The following NTRK2 variants were observed in gnomAD, a reference collection of about 807,000 sequenced individuals.
The protein encoded by NTRK2 is neurotrophic receptor tyrosine kinase 2.
A neutral mutation model predicts 94.5 loss-of-function variants in NTRK2; 13 were observed. The observed-to-expected ratio is 0.14, with a 90% confidence interval of 0.09 to 0.22. The LOEUF is 0.22. NTRK2 is among the 10% of genes least tolerant of loss of function. The probability of loss-of-function intolerance (pLI) is 1.00; values close to 1 mark genes in which losing one functional copy is unlikely to be tolerated. For missense variants in NTRK2, 639 were observed against 1,071.2 expected, an observed-to-expected ratio of 0.60 and a Z score of 5.63; for synonymous variants, 372 against 407.4, an observed-to-expected ratio of 0.91 and a Z score of 1.05.
chr9:84,744,367 T>C (rs373398770), intron 10 of NTRK2, among the ~76,000 whole-genome samples: 1 of 152,182 alleles, frequency 6.6e-6, no homozygotes, highest in African/African-American at 2.4e-5. Context: ...AATTCAGAAC[T>C]CTTCAAAAAA....
chr9:84,669,163 C>T (rs560206854), upstream of NTRK2: 5 of 152,414 alleles, frequency 3.3e-5, no homozygotes, highest in African/African-American at 1.2e-4. The surrounding 1 kb of genome is among the most constrained non-coding windows in gnomAD (Gnocchi z 4.1). Flanking sequence ...GTTACCAATG[C>T]AGAACACGTT....
chr9:84,682,735 A>T (rs2059467990), intron 2 of NTRK2, among the ~76,000 whole-genome samples: 1 of 152,166 alleles, frequency 6.6e-6, no homozygotes, highest in African/African-American at 2.4e-5. Flanking sequence ...TATAGCACAT[A>T]TATAGGTCTT....
intron 11 of NTRK2, among the ~76,000 whole-genome samples, chr9:84,751,735 G>A (rs1393837957): frequency 1.3e-5 from 2 of 152,128 alleles, no homozygotes; most frequent in Non-Finnish European, 2.9e-5. Context: ...CAATTGGATA[G>A]CCATTTTTAT....
intron 17 of NTRK2, among the ~76,000 whole-genome samples, chr9:84,989,940 A>G (rs929802444): frequency 1.3e-5 from 2 of 152,236 alleles, no homozygotes; most frequent in Non-Finnish European, 2.9e-5. Context: ...TTTAGCACAT[A>G]AAGTTCCTAG....
intron 17 of NTRK2, among the ~76,000 whole-genome samples, chr9:84,996,138 G>A (rs1003937350): frequency 2.0e-5 from 3 of 152,188 alleles, no homozygotes; most frequent in Non-Finnish European, 4.4e-5. Flanking sequence ...CTGTACACAG[G>A]TCATAAAAAT....
chr9:84,812,745 G>A (rs2071946458), intron 12 of NTRK2: 3 of 1,040,078 alleles, frequency 2.9e-6, no homozygotes, highest in Admixed American at 5.6e-5. Flanking sequence ...CTATTTTAAA[G>A]TGTTCCAGAC....
At chr9:84,813,551 C>CT (rs2072048774) in intron 12 of NTRK2, 1 of 1,065,322 alleles carries the variant, frequency 9.4e-7, no homozygotes, top group Non-Finnish European at 1.1e-6. Context: ...AGCTAAGAAA[C>CT]TGAGTTTAAC....
intron 14 of NTRK2, among the ~76,000 whole-genome samples, chr9:84,887,620 G>A (rs1264500406): frequency 6.6e-6 from 1 of 152,216 alleles, no homozygotes; most frequent in African/African-American, 2.4e-5. Flanking sequence ...TCTTCATGCA[G>A]CAAGACCAAA....
At chr9:85,004,079 AGAGG>A (rs1450556425) in intron 17 of NTRK2, among the ~76,000 whole-genome samples, 2 of 54,364 alleles carry the variant, frequency 3.7e-5, no homozygotes, top group East Asian at 3.2e-4. Context: ...AGAGAGAGGA[AGAGG>A]GAGAGAGAAA....
chr9:84,763,051 C>T (rs552991795), intron 12 of NTRK2, among the ~76,000 whole-genome samples: 4 of 152,222 alleles, frequency 2.6e-5, no homozygotes, highest in Admixed American at 1.3e-4. Context: ...TATGTGTCTC[C>T]GCAAGGGTGT....
At chr9:84,939,885 C>T (rs1310513748) in intron 15 of NTRK2, among the ~76,000 whole-genome samples, 3 of 152,136 alleles carry the variant, frequency 2.0e-5, no homozygotes, top group African/African-American at 4.8e-5. Flanking sequence ...GCTTAATTCT[C>T]AGGCAGGTTA....
chr9:85,007,787 A>C (rs1831133350), intron 17 of NTRK2, among the ~76,000 whole-genome samples: 1 of 152,210 alleles, frequency 6.6e-6, no homozygotes, highest in Non-Finnish European at 1.5e-5. Flanking sequence ...TGGCCTCTTT[A>C]TCCCTACATT....
intron 12 of NTRK2, among the ~76,000 whole-genome samples, chr9:84,822,300 T>A (rs896193619): frequency 6.6e-6 from 1 of 152,186 alleles, no homozygotes; most frequent in African/African-American, 2.4e-5. Context: ...ACTTTCTTAC[T>A]TCTATACTCA....
At chr9:84,904,336 C>T (rs926173000) in intron 14 of NTRK2, among the ~76,000 whole-genome samples, 2 of 152,188 alleles carry the variant, frequency 1.3e-5, no homozygotes, top group African/African-American at 4.8e-5. Context: ...GGCAAGTTCA[C>T]AGCAAGGCAA....
chr9:84,775,680 G>A (rs1034799810), intron 12 of NTRK2, among the ~76,000 whole-genome samples: 3 of 152,034 alleles, frequency 2.0e-5, no homozygotes, highest in South Asian at 2.1e-4. Context: ...GGGTTGTTAT[G>A]GATATTTTTA....
chr9:84,862,472 G>T (rs1008844970), intron 13 of NTRK2, among the ~76,000 whole-genome samples: 1 of 152,194 alleles, frequency 6.6e-6, no homozygotes, highest in African/African-American at 2.4e-5. Context: ...AATTTGCACT[G>T]CAGAAGGGTG....
intron 12 of NTRK2, among the ~76,000 whole-genome samples, chr9:84,759,478 T>G (rs1404834777): frequency 6.6e-6 from 1 of 152,234 alleles, no homozygotes; most frequent in African/African-American, 2.4e-5. Flanking sequence ...CGCAGCATGA[T>G]TCATGTGAGA....
intron 1 of NTRK2, 67 bp from the exon 2 acceptor site, chr9:84,670,310 G>C (rs1215699398): frequency 3.5e-6 from 1 of 287,034 alleles, no homozygotes; most frequent in African/African-American, 2.2e-5. Flanking sequence ...AGCAGAGAGG[G>C]AGAGTGCCCC....
intron 12 of NTRK2, among the ~76,000 whole-genome samples, chr9:84,807,398 C>G (rs190412303): frequency 2.4e-4 from 37 of 152,294 alleles, no homozygotes; most frequent in African/African-American, 8.2e-4. Flanking sequence ...CAGTTTCTTC[C>G]TTCTCTGTTT....
Sources: gnomAD v4.1 joint callset for allele counts (sites outside exome capture counted in the v4.1 genomes callset) on GRCh38, gnomAD v4.1.1 for gene constraint, Gnocchi (gnomAD v3.1) non-coding constraint, MANE v1.5 for transcripts, NCBI Gene and HGNC (gene_info 2026-07-23, HGNC 2026-07-21) for gene names.